RFX7: variants seen among roughly 807,000 people sequenced by gnomAD.
The protein encoded by RFX7 is regulatory factor X7, also known as DNA-binding protein RFX7.
A neutral mutation model predicts 111.8 loss-of-function variants in RFX7; 26 were observed. The observed-to-expected ratio is 0.23, with a 90% CI of 0.17 to 0.32. The LOEUF is 0.32. Ranked by LOEUF, RFX7 falls within the 10% of genes least tolerant of loss-of-function variation. RFX7 has a pLI of 1.00. For missense variants in RFX7, 1,573 were observed against 1,772.9 expected (o/e 0.89, Z 2.02); for synonymous variants, 624 against 624.4 (o/e 1.00, Z 0.01).
rs534397875 is a variant in RFX7 at position 56,211,517 on chromosome 15, T to C, written c.161+31608A>G. 2.6e-5 allele frequency among the ~76,000 whole-genome samples: 4 copies of C among 152,160 alleles called. No individual in the cohort carries two copies. The South Asian group carries it at 6.2e-4, about 24-fold the overall frequency. Reference sequence around the variant, plus strand: ...GTGACTTTTTAGATATAACACCAAATGCACTATCCATAAAAGAAAGCATTG... The same window carrying C: ...GTGACTTTTTAGATATAACACCAAACGCACTATCCATAAAAGAAAGCATTG... On this transcript the variant is annotated intron_variant, in intron 2 of 9. Coordinates refer to ENST00000559447, the MANE Select transcript of RFX7 (RefSeq NM_022841.7).
intron 3 of RFX7, among the ~76,000 whole-genome samples, chr15:56,178,613 A>G (rs1364129026): frequency 2.6e-5 from 4 of 152,160 alleles, no homozygotes; most frequent in African/African-American, 9.6e-5. Context: ...TAGAGATTTT[A>G]TGAAAGAAAT....
chr15:56,243,464 G>A lies in RFX7; in HGVS notation c.-22C>T. The A allele has an allele frequency of 2.0e-6, 2 of 984,820 alleles. No homozygotes were observed. Among genetic ancestry groups the A allele is most frequent in the Non-Finnish European group, 2.4e-6 (2 of 829,670 alleles). The allele number at this position is 984,820 out of a possible 1,614,324, so 61.0% of individuals were successfully genotyped here. On this transcript the variant is annotated 5_prime_UTR_variant, in exon 1 of 10. Transcript: ENST00000559447. ...CTTTACCCCAGGGCTCGAGTGAGTC[G>A]CTTTCGCCTGCCGCCTGGGGAACAT...
Position 56,144,502 on chromosome 15 carries a change from A to G in RFX7, c.196-19T>C. On this transcript the variant is annotated intron_variant, in intron 3 of 9. Coordinates refer to ENST00000559447, the MANE Select transcript of RFX7 (RefSeq NM_022841.7). ...CTTCTTGCTATTTACAAAGGATTAA[A>G]AAGAAAGATCATTTTTAAAAAACAC... is the stretch of plus-strand genomic sequence containing the variant. The G allele has an allele frequency of 1.5e-6, 2 of 1,311,420 alleles. No homozygotes were observed. The highest frequency in any genetic ancestry group is 2.0e-6 in the Non-Finnish European group (2 of 975,622). 81.2% of individuals were successfully genotyped at this position (1,311,420 alleles called of 1,614,324 possible).
At chr15:56,196,052 T>C (rs947249933) in intron 2 of RFX7, among the ~76,000 whole-genome samples, 8 of 152,218 alleles carry the variant, frequency 5.3e-5, no homozygotes, top group African/African-American at 1.9e-4. Context: ...GATATTTGAT[T>C]ACTAGATCAT....
At chr15:56,228,865 A>G (rs1242401524) in intron 2 of RFX7, among the ~76,000 whole-genome samples, 1 of 152,198 alleles carries the variant, frequency 6.6e-6, no homozygotes, top group African/African-American at 2.4e-5. Context: ...TCCTGTACAT[A>G]CCTATAATAA....
At position 56,134,793 on chromosome 15, in the gene RFX7, C is replaced by T. The variant is rs180827919; in HGVS notation, c.401+7985G>A. ...CCCTCCCCAACAACAGTCCCCAGAGCGTTATATTCCCCTTCCTGTGTCCAT... is the reference window on the plus strand; with the variant it reads ...CCCTCCCCAACAACAGTCCCCAGAGTGTTATATTCCCCTTCCTGTGTCCAT... On this transcript the variant is annotated intron_variant, in intron 5 of 9. Transcript: ENST00000559447. Among the ~76,000 whole-genome samples, 78 of 152,134 alleles carry T rather than the reference C, an allele frequency of 5.1e-4. 1 individual carries two copies. Among genetic ancestry groups the T allele is most frequent in the Non-Finnish European group, 9.1e-4 (62 of 67,968 alleles).
At position 56,243,561 on chromosome 15, in the gene RFX7, C is replaced by T. The variant is rs1319537854; in HGVS notation, c.-119G>A. On this transcript the variant is annotated 5_prime_UTR_variant, in exon 1 of 10. Transcript: ENST00000559447. ...GGAGAGGCATGGCGGCGCCCCTCAGCCCCCCGCTGGCGCCGCCGCCTCCTC... is the reference window on the plus strand; with the variant it reads ...GGAGAGGCATGGCGGCGCCCCTCAGTCCCCCGCTGGCGCCGCCGCCTCCTC... 3 of 964,318 alleles carry T rather than the reference C, an allele frequency of 3.1e-6. No individual in the cohort carries two copies. The highest frequency in any genetic ancestry group is 3.7e-6 in the Non-Finnish European group (3 of 811,678). The allele number at this position is 964,318 out of a possible 1,614,324, so 59.7% of individuals were successfully genotyped here.
Position 56,096,444 on chromosome 15 carries a change from A to G in RFX7, c.1284T>C (p.Arg428=). Residue 428 remains arginine, a synonymous_variant, in exon 10 of 10, where the codon CGT becomes CGC. Coordinates refer to ENST00000559447, the MANE Select transcript of RFX7 (RefSeq NM_022841.7). ...CTGGTTTGGGTAAGATCTGAGGGTA[A>G]CGGTGCCGGGCAGAACGATCCCCAC... ...SPGGDRSARH[R]YPQILPKPAN... 6.2e-7 allele frequency: 1 copy of G among 1,613,360 alleles called. No individual in the cohort carries two copies. Among genetic ancestry groups the G allele is most frequent in the Non-Finnish European group, 8.5e-7 (1 of 1,179,622 alleles).
chr15:56,172,216 GT>G (rs2042853290), intron 3 of RFX7, among the ~76,000 whole-genome samples: 1 of 152,056 alleles, frequency 6.6e-6, no homozygotes, highest in Non-Finnish European at 1.5e-5. Flanking sequence ...CAGAGGAGTG[GT>G]ATTAAAGATT....
At chr15:56,139,980 T>C (rs2042364891) in intron 5 of RFX7, among the ~76,000 whole-genome samples, 1 of 152,156 alleles carries the variant, frequency 6.6e-6, no homozygotes, top group African/African-American at 2.4e-5. Flanking sequence ...CGTTCTCAGA[T>C]CTCCAGCTGC....
chr15:56,103,762 G>C lies in RFX7; in HGVS notation c.402-92C>G, dbSNP rs1028796969. 10 of 732,130 alleles carry C rather than the reference G, an allele frequency of 1.4e-5. No individual in the cohort carries two copies. In the Admixed American group the frequency reaches 2.3e-4, roughly 17 times the overall value. 45.4% of individuals were successfully genotyped at this position (732,130 alleles called of 1,614,324 possible). A position where few individuals can be genotyped will look rare whatever the true frequency, so the allele number is the denominator to read the frequency against. On this transcript the variant is annotated intron_variant, in intron 5 of 9. Coordinates refer to ENST00000559447, the MANE Select transcript of RFX7 (RefSeq NM_022841.7). ...AATACAATTTGATCCTTCTGACAAA[G>C]TGAAGCAAAGGATCTTTCAAGTCAT...
chr15:56,187,741 T>C (rs1387510313), intron 2 of RFX7, among the ~76,000 whole-genome samples: 2 of 151,996 alleles, frequency 1.3e-5, no homozygotes. Context: ...AGCTGGAAGG[T>C]GGAAGGATTT....
rs2042799002 is a variant in RFX7, at chr15:56,167,676, C to A, written c.195+11594G>T. Among the ~76,000 whole-genome samples, 5 of 152,282 alleles carry A rather than the reference C, an allele frequency of 3.3e-5. No individual in the cohort carries two copies. In the South Asian group the frequency reaches 1.0e-3, roughly 32 times the overall value. ...ACAAAAAAATCTATTCATATTTATG[C>A]TACTACAAATATTTTCATTTGTCTT... On this transcript the variant is annotated intron_variant, in intron 3 of 9. Transcript: ENST00000559447.
intron 2 of RFX7, among the ~76,000 whole-genome samples, chr15:56,213,530 G>A (rs1007151635): frequency 6.6e-6 from 1 of 152,142 alleles, no homozygotes; most frequent in Non-Finnish European, 1.5e-5. Flanking sequence ...ATAGTTGAGG[G>A]TGAAAGGTAA....
rs2041604245 is a variant in RFX7, at chr15:56,092,161, T to A, written c.*1184A>T. 6.6e-6 allele frequency: 1 copy of A among 152,584 alleles called. No individual in the cohort carries two copies. Among genetic ancestry groups the A allele is most frequent in the Non-Finnish European group, 1.5e-5 (1 of 67,974 alleles). The allele number at this position is 152,584 out of a possible 1,614,324, so 9.5% of individuals were successfully genotyped here. On this transcript the variant is annotated 3_prime_UTR_variant, in exon 10 of 10. Transcript: ENST00000559447. ...TCTTTTGCAATTGTGGTTATCACAATAAATAAATTAAGCAAGTAATAAAAT... is the reference window on the plus strand; with the variant it reads ...TCTTTTGCAATTGTGGTTATCACAAAAAATAAATTAAGCAAGTAATAAAAT...
At chr15:56,201,944 T>G (rs2043196852) in intron 2 of RFX7, among the ~76,000 whole-genome samples, 3 of 152,090 alleles carry the variant, frequency 2.0e-5, no homozygotes, top group Non-Finnish European at 4.4e-5. Context: ...GGCAGGAGAG[T>G]GGCATGAACC....
rs754860929 is a variant in RFX7 at position 56,096,043 on chromosome 15, G to A, written c.1685C>T (p.Pro562Leu). 1 of 1,613,164 alleles carries A rather than the reference G, an allele frequency of 6.2e-7. No homozygotes were observed. The highest frequency in any genetic ancestry group is 1.1e-5 in the South Asian group (1 of 90,926). ...CCCCAAAAGGGCACTAGGTGTCTGG[G>A]GAGCTTTAGCCTCATCAGAGTTCTC... is the stretch of plus-strand genomic sequence containing the variant. Reference protein sequence around the residue: ...CQENSDEAKAPQTPSALLGQK... With the variant: ...CQENSDEAKALQTPSALLGQK... Residue 562 changes from proline to leucine, a missense_variant, in exon 10 of 10, where the codon CCC (proline) becomes CTC (leucine). Around this residue, in one of 7 missense-constraint regions of RFX7, gnomAD observed 625 missense variants for 632.2 expected, o/e 0.99. Transcript: ENST00000559447.
chr15:56,212,103 C>T (rs1419570466), intron 2 of RFX7, among the ~76,000 whole-genome samples: 1 of 152,106 alleles, frequency 6.6e-6, no homozygotes, highest in African/African-American at 2.4e-5. Flanking sequence ...TTGGAAGCAA[C>T]ACAAATGTCA....
chr15:56,194,589 C>CA (rs1344045219), intron 2 of RFX7, among the ~76,000 whole-genome samples: 8 of 152,070 alleles, frequency 5.3e-5, no homozygotes, highest in Non-Finnish European at 1.0e-4. Context: ...TTTACTTTTA[C>CA]TTTTGTTTGC....
Sources: gnomAD v4.1 joint callset for allele counts (sites outside exome capture counted in the v4.1 genomes callset) on GRCh38, gnomAD v4.1.1 for gene constraint, gnomAD v4.1.1 regional missense constraint, MANE v1.5 for transcripts, NCBI Gene and HGNC (gene_info 2026-07-23, HGNC 2026-07-21) for gene names.